RNLS: variants seen among roughly 807,000 people sequenced by gnomAD.
RNLS encodes the protein renalase.
In RNLS, 39 loss-of-function variants were observed where a neutral mutation model predicts 39.8. The observed-to-expected ratio is 0.98, with a 90% CI of 0.76 to 1.28. The LOEUF (loss-of-function observed/expected upper bound fraction) is 1.28. Among genes scored for constraint, RNLS ranks in the 50% most tolerant of loss-of-function variants. The pLI is 0.00. For synonymous variants in RNLS, 147 were observed against 150.7 expected (o/e 0.98, Z 0.18); for missense variants, 410 against 413.3 (o/e 0.99, Z 0.07).
intron 5 of RNLS, among the ~76,000 whole-genome samples, chr10:88,358,586 A>G (rs529591914): frequency 6.6e-6 from 1 of 152,366 alleles, no homozygotes; most frequent in South Asian, 2.1e-4. Flanking sequence ...CCCTTTTTCA[A>G]AGAGCAACTC....
the RNLS span, among the ~76,000 whole-genome samples, chr10:88,268,119 G>T: frequency 6.6e-6 from 1 of 152,078 alleles, no homozygotes; most frequent in Non-Finnish European, 1.5e-5. Flanking sequence ...TCACTAATTG[G>T]ATCTCTTTTC....
At chr10:88,282,938 C>T (rs972547706), downstream of RNLS, among the ~76,000 whole-genome samples, 26 of 152,140 alleles carry the variant, frequency 1.7e-4, no homozygotes, top group African/African-American at 5.8e-4. Context: ...CACTTGAATA[C>T]GCTCCTTTCA....
chr10:88,415,481 TC>T (rs931795657), intron 4 of RNLS, among the ~76,000 whole-genome samples: 1 of 152,100 alleles, frequency 6.6e-6, no homozygotes, highest in Non-Finnish European at 1.5e-5. Context: ...ATGACTTTTT[TC>T]CCCCCTCAAC....
intron 6 of RNLS, among the ~76,000 whole-genome samples, chr10:88,306,225 T>C (rs1844903449): frequency 6.6e-6 from 1 of 152,046 alleles, no homozygotes; most frequent in South Asian, 2.1e-4. Flanking sequence ...CTGAAAAAGT[T>C]GGAAAGATCT....
intron 4 of RNLS, among the ~76,000 whole-genome samples, chr10:88,426,484 GA>G (rs903067103): frequency 5.9e-5 from 9 of 151,520 alleles, no homozygotes; most frequent in Admixed American, 1.3e-4. Context: ...GAGATACAGG[GA>G]AAAAAAATTC....
intron 4 of RNLS, among the ~76,000 whole-genome samples, chr10:88,405,995 T>C (rs1391492743): frequency 6.6e-6 from 1 of 152,074 alleles, no homozygotes; most frequent in African/African-American, 2.4e-5. Context: ...TTAGTTTCGC[T>C]GGATACAAAA....
intron 4 of RNLS, among the ~76,000 whole-genome samples, chr10:88,558,090 T>G (rs1255177526): frequency 1.3e-5 from 2 of 152,154 alleles, no homozygotes; most frequent in African/African-American, 4.8e-5. Flanking sequence ...TGACAGCATG[T>G]GTATGAGAAC....
intron 4 of RNLS, among the ~76,000 whole-genome samples, chr10:88,556,253 G>T (rs1848869405): frequency 6.6e-6 from 1 of 152,112 alleles, no homozygotes. Context: ...CCATACTTTT[G>T]AAATCAAGTG....
At chr10:88,279,308 C>T (rs1462913121), downstream of RNLS, among the ~76,000 whole-genome samples, 1 of 152,144 alleles carries the variant, frequency 6.6e-6, no homozygotes, top group African/African-American at 2.4e-5. Flanking sequence ...TTTCCTAAAT[C>T]ATATTTTACT....
intron 4 of RNLS, among the ~76,000 whole-genome samples, chr10:88,388,503 A>G (rs1381739769): frequency 6.6e-6 from 1 of 152,040 alleles, no homozygotes; most frequent in Non-Finnish European, 1.5e-5. Flanking sequence ...CTAGCTATGG[A>G]GGCCTCCTTT....
At chr10:88,581,280 ATGTGTGTG>A (rs374360845) in intron 3 of RNLS, among the ~76,000 whole-genome samples, 1 of 142,648 alleles carries the variant, frequency 7.0e-6, no homozygotes, top group African/African-American at 2.6e-5. Context: ...ATATATATGT[ATGTGTGTG>A]TGTGTGTATA....
intron 4 of RNLS, among the ~76,000 whole-genome samples, chr10:88,538,126 T>A (rs1847861143): frequency 6.6e-6 from 1 of 152,164 alleles, no homozygotes; most frequent in Admixed American, 6.6e-5. Flanking sequence ...AAGCCTCAGA[T>A]GTAGAGAGCC....
At chr10:88,489,794 T>C (rs969758892) in intron 4 of RNLS, among the ~76,000 whole-genome samples, 1 of 152,200 alleles carries the variant, frequency 6.6e-6, no homozygotes, top group Non-Finnish European at 1.5e-5. Context: ...AACCATCAGT[T>C]TGTATTCTAG....
At chr10:88,411,585 T>C (rs1853659721) in intron 4 of RNLS, among the ~76,000 whole-genome samples, 1 of 151,992 alleles carries the variant, frequency 6.6e-6, no homozygotes, top group African/African-American at 2.4e-5. Context: ...CTCACACTTA[T>C]GTAATTAGGC....
Position 88,520,804 on chromosome 10 carries a change from C to G in RNLS, c.526+52099G>C, listed in dbSNP as rs1311043370. On this transcript the variant is annotated intron_variant, in intron 4 of 6. Coordinates refer to ENST00000331772, the MANE Select transcript of RNLS (RefSeq NM_001031709.3). ...TAGGAAGGGGTAAATTATCAGATGC[C>G]AAGATCCTATGTAAATACTAGTTTA... Among the ~76,000 whole-genome samples, 9 of 151,940 alleles carry G rather than the reference C, an allele frequency of 5.9e-5. No individual in the cohort carries two copies. In the East Asian group the frequency reaches 1.7e-3, roughly 29 times the overall value.
chr10:88,389,659 AT>A (rs1309417664), intron 4 of RNLS, among the ~76,000 whole-genome samples: 1 of 152,048 alleles, frequency 6.6e-6, no homozygotes, highest in African/African-American at 2.4e-5. Context: ...GTGGAATGAA[AT>A]TCGCACAGTT....
At chr10:88,492,866 T>TA (rs140741056) in intron 4 of RNLS, among the ~76,000 whole-genome samples, 1,889 of 152,244 alleles carry the variant, frequency 0.012, 42 homozygotes, top group African/African-American at 0.043. Context: ...TGACCAAACT[T>TA]AGAGACATGA....
At chr10:88,458,406 C>A (rs1023489195) in intron 4 of RNLS, among the ~76,000 whole-genome samples, 1 of 152,182 alleles carries the variant, frequency 6.6e-6, no homozygotes, top group Non-Finnish European at 1.5e-5. Context: ...CTCTTTGCTT[C>A]TTTCCCATCC....
intron 4 of RNLS, among the ~76,000 whole-genome samples, chr10:88,373,120 TA>T (rs1247482113): frequency 1.3e-5 from 2 of 152,140 alleles, no homozygotes; most frequent in Non-Finnish European, 2.9e-5. Flanking sequence ...TCCATAACAA[TA>T]AAAACTTTAT....
Sources: gnomAD v4.1 joint callset for allele counts (sites outside exome capture counted in the v4.1 genomes callset) on GRCh38, gnomAD v4.1.1 for gene constraint, MANE v1.5 for transcripts, NCBI Gene and HGNC (gene_info 2026-07-23, HGNC 2026-07-21) for gene names.